Variants in FMN2 observed in about 807,000 individuals in gnomAD.
The protein encoded by FMN2 is formin-2.
In FMN2, 51 loss-of-function variants were observed where a neutral mutation model predicts 142.3. The observed-to-expected ratio is 0.36, with a 90% CI of 0.29 to 0.45. The LOEUF is 0.45. FMN2 is among the 20% of genes least tolerant of loss of function. The pLI is 1.00. For synonymous variants in FMN2, 882 were observed against 869.8 expected, an observed-to-expected ratio of 1.01 and a Z score of -0.25; for missense variants, 1,936 against 2,122.8, an observed-to-expected ratio of 0.91 and a Z score of 1.73.
intron 15 of FMN2, among the ~76,000 whole-genome samples, chr1:240,429,924 C>T (rs1252134805): frequency 1.3e-5 from 2 of 150,422 alleles, no homozygotes; most frequent in African/African-American, 2.5e-5. Flanking sequence ...CTCGCTCTGC[C>T]GCCCAGGCTG....
intron 15 of FMN2, among the ~76,000 whole-genome samples, chr1:240,425,236 C>T (rs1572294053): frequency 4.4e-5 from 2 of 45,188 alleles, no homozygotes; most frequent in African/African-American, 9.2e-5. Context: ...AGAGAGAGAG[C>T]CGTGAGACAC....
intron 14 of FMN2, among the ~76,000 whole-genome samples, chr1:240,368,955 TTATA>T (rs10671772): frequency 6.8e-6 from 1 of 148,022 alleles, no homozygotes; most frequent in East Asian, 2.0e-4. Flanking sequence ...AACACAATGT[TTATA>T]TATATATATA....
At chr1:240,170,992 G>A (rs1439419931) in intron 2 of FMN2, 13 of 811,932 alleles carry the variant, frequency 1.6e-5, no homozygotes, top group East Asian at 9.7e-5. Context: ...TGTCAAGGTC[G>A]TGAGAGCAGC....
Position 240,331,794 on chromosome 1 carries a change from A to C in FMN2, c.4584+1045A>C, listed in dbSNP as rs571137853. On this transcript the variant is annotated intron_variant, in intron 11 of 17. Transcript: ENST00000319653. ...CAAAGCTTAGCCTAGCCTGCCTCAA[A>C]CATGCTCAGAACACTTACCTCAGCC... 2.6e-5 allele frequency among the ~76,000 whole-genome samples: 4 copies of C among 152,304 alleles called. No individual in the cohort carries two copies. The East Asian group carries it at 7.7e-4, about 29-fold the overall frequency.
At chr1:240,189,242 G>T (rs1424858222) in intron 4 of FMN2, among the ~76,000 whole-genome samples, 1 of 150,402 alleles carries the variant, frequency 6.6e-6, no homozygotes, top group East Asian at 1.9e-4. Context: ...TTGCTCTTTT[G>T]GATATAAAAC....
intron 14 of FMN2, among the ~76,000 whole-genome samples, chr1:240,360,874 A>G (rs1203023675): frequency 1.3e-5 from 2 of 152,056 alleles, no homozygotes; most frequent in Non-Finnish European, 2.9e-5. Context: ...CGCAAGGACA[A>G]AAAACCAAAC....
intron 13 of FMN2, among the ~76,000 whole-genome samples, chr1:240,355,223 C>G (rs535402225): frequency 6.6e-6 from 1 of 152,166 alleles, no homozygotes; most frequent in East Asian, 1.9e-4. Context: ...GGGCTTCATT[C>G]TAAGGATTAT....
At chr1:240,243,932 A>G (rs1667994330) in intron 6 of FMN2, among the ~76,000 whole-genome samples, 1 of 152,194 alleles carries the variant, frequency 6.6e-6, no homozygotes, top group Non-Finnish European at 1.5e-5. Flanking sequence ...CCTGGTCATT[A>G]GGGTATTCTT....
At chr1:240,407,655 A>C (rs1674256708) in intron 15 of FMN2, among the ~76,000 whole-genome samples, 1 of 152,176 alleles carries the variant, frequency 6.6e-6, no homozygotes, top group Non-Finnish European at 1.5e-5. Context: ...GTAAGCATAT[A>C]ATAAATGCAG....
chr1:240,127,854 G>C (rs1390526226), intron 2 of FMN2, among the ~76,000 whole-genome samples: 1 of 152,200 alleles, frequency 6.6e-6, no homozygotes, highest in African/African-American at 2.4e-5. Flanking sequence ...GGATATGGCA[G>C]TAGTTTAGTT....
At position 240,092,525 on chromosome 1, in the gene FMN2, T is replaced by C; in HGVS notation, c.416T>C (p.Phe139Ser). The C allele has an allele frequency of 1.2e-6, 2 of 1,609,966 alleles. No individual in the cohort carries two copies. The highest frequency in any genetic ancestry group is 1.7e-4 in the Middle Eastern group (1 of 6,060). Residue 139 changes from phenylalanine to serine, a missense_variant, in exon 1 of 18, where the codon TTT (phenylalanine) becomes TCT (serine). This residue lies in a region of FMN2 where 751 missense variants were observed against 791.8 expected (regional missense o/e 0.95). Coordinates refer to ENST00000319653, the MANE Select transcript of FMN2 (RefSeq NM_020066.5). ...GLSDTECADP[F>S]EVTGPGGPGP... is the part of the protein sequence containing the mutation. Reference sequence around the variant, plus strand: ...TCGGATACCGAGTGTGCGGACCCTTTTGAGGTGACCGGTCCAGGGGGTCCT... The same window carrying C: ...TCGGATACCGAGTGTGCGGACCCTTCTGAGGTGACCGGTCCAGGGGGTCCT...
intron 6 of FMN2, among the ~76,000 whole-genome samples, chr1:240,252,002 G>A (rs1572117341): frequency 6.6e-6 from 1 of 152,126 alleles, no homozygotes; most frequent in South Asian, 2.1e-4. Context: ...TCCGCCTCCC[G>A]GGTTAAAGCA....
intron 11 of FMN2, among the ~76,000 whole-genome samples, chr1:240,332,381 A>AAAGG (rs1257001202): frequency 1.3e-5 from 2 of 151,182 alleles, no homozygotes; most frequent in Non-Finnish European, 2.9e-5. Context: ...AAAAAAAAAG[A>AAAGG]AAGAAAAGCC....
At chr1:240,218,575 A>AG (rs1553343156) in intron 6 of FMN2, among the ~76,000 whole-genome samples, 5 of 151,000 alleles carry the variant, frequency 3.3e-5, no homozygotes, top group African/African-American at 1.2e-4. Context: ...AAAAAAAAAA[A>AG]TTTTATTTCT....
At chr1:240,382,092 A>G (rs888844214) in intron 14 of FMN2, among the ~76,000 whole-genome samples, 1 of 152,242 alleles carries the variant, frequency 6.6e-6, no homozygotes, top group Admixed American at 6.5e-5. Context: ...ATCCCTCCAA[A>G]AGATAACTAG....
At chr1:240,214,262 G>T (rs1666799964) in intron 6 of FMN2, among the ~76,000 whole-genome samples, 1 of 152,106 alleles carries the variant, frequency 6.6e-6, no homozygotes, top group African/African-American at 2.4e-5. Context: ...AATAGAAAAA[G>T]TGATCTTGGC....
chr1:240,128,765 C>T (rs1662613467), intron 2 of FMN2, among the ~76,000 whole-genome samples: 1 of 152,136 alleles, frequency 6.6e-6, no homozygotes, highest in East Asian at 1.9e-4. Flanking sequence ...TAATCAAAAC[C>T]AACAGCAGCC....
chr1:240,357,580 G>GTA (rs1230395086), intron 14 of FMN2, among the ~76,000 whole-genome samples: 1 of 151,040 alleles, frequency 6.6e-6, no homozygotes, highest in African/African-American at 2.4e-5. Context: ...GTGTAAGTAA[G>GTA]TATCTCTTCA....
At chr1:240,273,488 C>T (rs1243220707) in intron 7 of FMN2, among the ~76,000 whole-genome samples, 3 of 152,144 alleles carry the variant, frequency 2.0e-5, no homozygotes, top group Admixed American at 1.3e-4. Context: ...CTATCAGTGG[C>T]TTAAGCTGGA....
Sources: allele counts gnomAD v4.1 joint callset (sites outside exome capture counted in the v4.1 genomes callset), GRCh38; gene constraint gnomAD v4.1.1; regional missense constraint gnomAD v4.1.1; transcripts MANE v1.5; gene names NCBI Gene and HGNC (gene_info 2026-07-23, HGNC 2026-07-21).